The following RANBP9 variants were observed in gnomAD, a reference collection of about 807,000 sequenced individuals.
RANBP9 encodes RAN binding protein 9, also known as ran-binding protein 9.
Under a neutral mutation model 84.3 loss-of-function variants are expected in RANBP9, and 15 were observed. That is an observed-to-expected ratio of 0.18 (90% CI 0.12 to 0.27). RANBP9 has a LOEUF of 0.27. RANBP9 is among the 10% of genes least tolerant of loss of function. The probability of loss-of-function intolerance (pLI) is 1.00; values close to 1 mark genes in which losing one functional copy is unlikely to be tolerated. For synonymous variants in RANBP9, 392 were observed against 349.6 expected, an observed-to-expected ratio of 1.12 and a Z score of -1.35; for missense variants, 809 against 912.8, an observed-to-expected ratio of 0.89 and a Z score of 1.46.
chr6:13,698,000 T>C (rs1757880615), intron 1 of RANBP9, among the ~76,000 whole-genome samples: 1 of 152,218 alleles, frequency 6.6e-6, no homozygotes, highest in Non-Finnish European at 1.5e-5. Context: ...AATTGTATCT[T>C]AAGATATACA....
chr6:13,663,697 A>C (rs1449932774), intron 2 of RANBP9, among the ~76,000 whole-genome samples: 1 of 152,176 alleles, frequency 6.6e-6, no homozygotes, highest in Non-Finnish European at 1.5e-5. Flanking sequence ...AATGTATCAA[A>C]ACGATAACAT....
intron 1 of RANBP9, among the ~76,000 whole-genome samples, chr6:13,698,946 A>G (rs1278533406): frequency 6.6e-6 from 1 of 152,196 alleles, no homozygotes; most frequent in African/African-American, 2.4e-5. Context: ...CCCATGTCCT[A>G]TTCTGACTAC....
chr6:13,637,361 A>T (rs1477555073), intron 10 of RANBP9, among the ~76,000 whole-genome samples: 1 of 143,862 alleles, frequency 7.0e-6, no homozygotes, highest in African/African-American at 2.6e-5. Context: ...TGAACTTGGA[A>T]AACATTCTAC....
intron 2 of RANBP9, among the ~76,000 whole-genome samples, chr6:13,696,188 T>C (rs563254993): frequency 7.2e-5 from 11 of 152,238 alleles, no homozygotes; most frequent in Non-Finnish European, 1.5e-4. Context: ...GGCCCAAAAA[T>C]TACTATATTT....
At chr6:13,674,514 C>T (rs1468677367) in intron 2 of RANBP9, among the ~76,000 whole-genome samples, 3 of 152,164 alleles carry the variant, frequency 2.0e-5, no homozygotes, top group African/African-American at 7.2e-5. Flanking sequence ...GTACTGGAGG[C>T]TATATGTGCA....
At chr6:13,652,616 C>T (rs1421379168) in intron 5 of RANBP9, 43 bp downstream of exon 5, 2 of 1,512,220 alleles carry the variant, frequency 1.3e-6, no homozygotes, top group Admixed American at 1.8e-5. Flanking sequence ...CTTTATACTT[C>T]CTGTAATTAA....
intron 12 of RANBP9, among the ~76,000 whole-genome samples, chr6:13,630,729 C>T (rs6899402): frequency 0.53 from 81,119 of 152,002 alleles, 22,134 homozygotes; most frequent in Admixed American, 0.63. Context: ...ACATGTGATA[C>T]CACAACAGAC....
intron 2 of RANBP9, among the ~76,000 whole-genome samples, chr6:13,672,336 T>C (rs1185762756): frequency 6.6e-6 from 1 of 152,150 alleles, no homozygotes; most frequent in South Asian, 2.1e-4. Flanking sequence ...GATTTCATCA[T>C]ATGATTATAG....
Position 13,711,091 on chromosome 6 carries a change from C to T in RANBP9, c.415G>A (p.Ala139Thr), listed in dbSNP as rs761701810. Residue 139 changes from alanine to threonine, a missense_variant, in exon 1 of 14, where the codon GCC becomes ACC. Physicochemically the swap from Ala to Thr is moderately conservative, Grantham distance 58 (BLOSUM62 0). This residue lies in a region of RANBP9 where 302 missense variants were observed against 240.1 expected (regional missense o/e 1.26). Transcript: ENST00000011619. ...AACTCCTTCTCCTGCTCGTTCAGGG[C>T]CGAGTCCCCGTGAGGGAAGGGGGCC... The part of the protein sequence containing the change: ...AAAPFPHGDS[A>T]LNEQEKELQR... 1.2e-5 allele frequency: 19 copies of T among 1,570,574 alleles called. No individual in the cohort carries two copies. The highest frequency in any genetic ancestry group is 4.1e-5 in the African/African-American group (3 of 73,420).
At chr6:13,695,974 A>T (rs1399550146) in intron 2 of RANBP9, among the ~76,000 whole-genome samples, 3 of 151,222 alleles carry the variant, frequency 2.0e-5, no homozygotes, top group African/African-American at 7.4e-5. Flanking sequence ...TTGGTAACTC[A>T]ACTAAAGACC....
chr6:13,658,886 G>T, intron 2 of RANBP9, 54 bp from the exon 3 acceptor site: 1 of 1,470,162 alleles, frequency 6.8e-7, no homozygotes, highest in Non-Finnish European at 9.5e-7. Flanking sequence ...AGTCATATAT[G>T]TATAAATTAC....
chr6:13,681,568 A>G (rs947580576), intron 2 of RANBP9, among the ~76,000 whole-genome samples: 2 of 151,980 alleles, frequency 1.3e-5, no homozygotes, highest in African/African-American at 4.8e-5. Context: ...TCAATGTAAA[A>G]ATATACTAAA....
At chr6:13,701,571 G>C (rs997742559) in intron 1 of RANBP9, among the ~76,000 whole-genome samples, 3 of 152,030 alleles carry the variant, frequency 2.0e-5, no homozygotes, top group Admixed American at 6.6e-5. Flanking sequence ...TCTGGAGTTC[G>C]AGACCAGCCT....
At chr6:13,692,593 T>C (rs918225932) in intron 2 of RANBP9, among the ~76,000 whole-genome samples, 1 of 144,120 alleles carries the variant, frequency 6.9e-6, no homozygotes, top group Non-Finnish European at 1.5e-5. Flanking sequence ...GGCTCACACC[T>C]GTAATCCCAG....
chr6:13,645,264 C>G (rs541823650), intron 5 of RANBP9, among the ~76,000 whole-genome samples: 1 of 151,840 alleles, frequency 6.6e-6, no homozygotes, highest in East Asian at 1.9e-4. Context: ...AAGACCATAA[C>G]TATAAGCAAA....
At chr6:13,693,149 C>T (rs1325099440) in intron 2 of RANBP9, among the ~76,000 whole-genome samples, 1 of 152,026 alleles carries the variant, frequency 6.6e-6, no homozygotes, top group African/African-American at 2.4e-5. Context: ...TAAACTAGGA[C>T]TTGAAGACCA....
chr6:13,675,108 C>G (rs759121107), intron 2 of RANBP9, among the ~76,000 whole-genome samples: 78 of 152,192 alleles, frequency 5.1e-4, no homozygotes, highest in Non-Finnish European at 2.2e-4. Flanking sequence ...CTGGCAGACA[C>G]AGCAGGCAGA....
chr6:13,687,386 G>T (rs1410020088), intron 2 of RANBP9, among the ~76,000 whole-genome samples: 1 of 151,938 alleles, frequency 6.6e-6, no homozygotes, highest in Non-Finnish European at 1.5e-5. Flanking sequence ...ACTTTGGGAG[G>T]CTGAGGCAGG....
chr6:13,654,267 C>T, intron 4 of RANBP9, among the ~76,000 whole-genome samples: 1 of 152,154 alleles, frequency 6.6e-6, no homozygotes, highest in Non-Finnish European at 1.5e-5. Context: ...TTGAATTTTA[C>T]ACAGAAAGCA....
Sources: gnomAD v4.1 joint callset for allele counts (sites outside exome capture counted in the v4.1 genomes callset) on GRCh38, gnomAD v4.1.1 for gene constraint, gnomAD v4.1.1 regional missense constraint, MANE v1.5 for transcripts, NCBI Gene and HGNC (gene_info 2026-07-23, HGNC 2026-07-21) for gene names.